Variants in RANBP2 observed in about 807,000 individuals in gnomAD.
The protein encoded by RANBP2 is E3 SUMO-protein ligase RanBP2.
Under a neutral mutation model 303.6 loss-of-function variants are expected in RANBP2, and 57 were observed. The observed-to-expected ratio is 0.19, with a 90% confidence interval of 0.15 to 0.23. RANBP2 has a LOEUF of 0.23. Among genes scored for constraint, RANBP2 ranks in the 10% least tolerant of loss-of-function variants. The pLI is 1.00. For missense variants in RANBP2, 3,138 were observed against 3,780.8 expected (o/e 0.83, Z 4.46); for synonymous variants, 1,167 against 1,301.5 (o/e 0.90, Z 2.23).
At chr2:109,574,759 G>A in the RANBP2 span, 1 of 1,570,624 alleles carries the variant, frequency 6.4e-7, no homozygotes, top group South Asian at 1.2e-5. Context: ...GTCAACTATT[G>A]GTTGGTAGCT....
At chr2:109,036,601 G>C in the RANBP2 span, among the ~76,000 whole-genome samples, 1 of 152,160 alleles carries the variant, frequency 6.6e-6, no homozygotes, top group Admixed American at 6.5e-5. Context: ...TATATCATTT[G>C]ATGCAGAAAA....
the RANBP2 span, among the ~76,000 whole-genome samples, chr2:109,224,346 A>G: frequency 1.3e-5 from 2 of 152,248 alleles, no homozygotes; most frequent in East Asian, 3.8e-4. Flanking sequence ...ACATTTTCAG[A>G]TACGCATGTG....
chr2:109,506,726 C>G, the RANBP2 span, among the ~76,000 whole-genome samples: 1 of 152,234 alleles, frequency 6.6e-6, no homozygotes, highest in African/African-American at 2.4e-5. Context: ...GAGGCAGAGC[C>G]AGGACTTCTG....
chr2:108,737,791 G>A (rs1421631349), intron 6 of RANBP2, among the ~76,000 whole-genome samples: 1 of 147,312 alleles, frequency 6.8e-6, no homozygotes, highest in Non-Finnish European at 1.5e-5. Context: ...TCGGCTCACT[G>A]CAAGCTCTGC....
the RANBP2 span, among the ~76,000 whole-genome samples, chr2:109,471,338 A>G: frequency 1.5e-3 from 228 of 152,242 alleles, no homozygotes; most frequent in Non-Finnish European, 2.7e-3. Context: ...CGGAAGGCAA[A>G]GGGGAAGCAA....
chr2:108,746,296 T>C (rs1346146043), intron 7 of RANBP2, among the ~76,000 whole-genome samples: 2 of 138,702 alleles, frequency 1.4e-5, no homozygotes, highest in Non-Finnish European at 3.0e-5. Flanking sequence ...CACTACAACC[T>C]CTGCCTCCCA....
the RANBP2 span, among the ~76,000 whole-genome samples, chr2:109,433,968 T>G: frequency 6.6e-6 from 1 of 152,214 alleles, no homozygotes; most frequent in African/African-American, 2.4e-5. Flanking sequence ...TCTTCAGTGG[T>G]GTGGGGTGAC....
At chr2:108,832,344 C>CTTTTT in the RANBP2 span, among the ~76,000 whole-genome samples, 16 of 122,218 alleles carry the variant, frequency 1.3e-4, no homozygotes, top group South Asian at 2.8e-4. Context: ...GTATTTCTTT[C>CTTTTT]TTTTTTTTTT....
At chr2:108,902,315 G>A in the RANBP2 span, among the ~76,000 whole-genome samples, 7 of 152,126 alleles carry the variant, frequency 4.6e-5, no homozygotes, top group Non-Finnish European at 1.0e-4. Context: ...GGCAGAGGTT[G>A]CAGTGAGCGA....
chr2:109,144,086 T>A, the RANBP2 span, among the ~76,000 whole-genome samples: 2 of 152,196 alleles, frequency 1.3e-5, no homozygotes, highest in Non-Finnish European at 2.9e-5. Context: ...GAGTAACACT[T>A]TCAGTTATAA....
the RANBP2 span, among the ~76,000 whole-genome samples, chr2:109,609,161 G>C: frequency 6.6e-6 from 1 of 152,160 alleles, no homozygotes; most frequent in Non-Finnish European, 1.5e-5. Flanking sequence ...AGGGAAAGTG[G>C]GGCTTCATTA....
chr2:108,935,290 A>G, the RANBP2 span, among the ~76,000 whole-genome samples: 1 of 152,042 alleles, frequency 6.6e-6, no homozygotes, highest in Non-Finnish European at 1.5e-5. Flanking sequence ...AGGCACTACC[A>G]TGGCTTAATC....
At chr2:108,878,661 A>C in the RANBP2 span, among the ~76,000 whole-genome samples, 1 of 152,294 alleles carries the variant, frequency 6.6e-6, no homozygotes, top group East Asian at 1.9e-4. Context: ...ATTTGAAAAA[A>C]ATTGTTTTTA....
the RANBP2 span, among the ~76,000 whole-genome samples, chr2:109,351,430 A>G: frequency 6.6e-6 from 1 of 152,262 alleles, no homozygotes; most frequent in African/African-American, 2.4e-5. Context: ...CTGGGAGTGC[A>G]GGAGAAGAAT....
the RANBP2 span, among the ~76,000 whole-genome samples, chr2:109,277,114 C>T: frequency 1.3e-5 from 2 of 152,146 alleles, no homozygotes; most frequent in Non-Finnish European, 2.9e-5. Context: ...CCAGAGCCCT[C>T]AGGACTGTAG....
chr2:109,302,482 C>A, the RANBP2 span, among the ~76,000 whole-genome samples: 1 of 152,252 alleles, frequency 6.6e-6, no homozygotes, highest in Non-Finnish European at 1.5e-5. Context: ...CCTCTTAGGG[C>A]CCCCATAGGG....
chr2:109,261,908 G>T, the RANBP2 span, among the ~76,000 whole-genome samples: 7 of 151,928 alleles, frequency 4.6e-5, no homozygotes, highest in East Asian at 1.4e-3. Flanking sequence ...ACATGTTGAT[G>T]CATTCAGTGT....
chr2:109,018,957 A>T, the RANBP2 span, among the ~76,000 whole-genome samples: 1 of 152,254 alleles, frequency 6.6e-6, no homozygotes, highest in South Asian at 2.1e-4. Flanking sequence ...CTCAGTAAAC[A>T]TCTGCAGAAT....
chr2:109,313,847 G>T, the RANBP2 span, among the ~76,000 whole-genome samples: 1 of 152,182 alleles, frequency 6.6e-6, no homozygotes, highest in Non-Finnish European at 1.5e-5. Flanking sequence ...GAGGAGGGAG[G>T]TGGGCTCAGC....
Sources: allele counts gnomAD v4.1 joint callset (sites outside exome capture counted in the v4.1 genomes callset), GRCh38; gene constraint gnomAD v4.1.1; transcripts MANE v1.5; gene names NCBI Gene and HGNC (gene_info 2026-07-23, HGNC 2026-07-21).